Variants in SLMAP observed in about 807,000 individuals in gnomAD.
The protein encoded by SLMAP is sarcolemmal membrane-associated protein.
Under a neutral mutation model 128.8 loss-of-function variants are expected in SLMAP, and 44 were observed. The ratio of observed to expected loss-of-function variants is 0.34; its 90% CI spans 0.27 to 0.44. SLMAP has a LOEUF of 0.44. Ranked by LOEUF, SLMAP falls within the 20% of genes least tolerant of loss-of-function variation. The pLI, the probability that SLMAP is intolerant of heterozygous loss-of-function variation, is 1.00. For synonymous variants in SLMAP, 327 were observed against 348.8 expected (o/e 0.94, Z 0.70); for missense variants, 787 against 985.3 (o/e 0.80, Z 2.69).
intron 2 of SLMAP, among the ~76,000 whole-genome samples, chr3:57,815,888 C>T (rs763668967): frequency 5.3e-5 from 8 of 152,134 alleles, no homozygotes; most frequent in Non-Finnish European, 1.0e-4. Flanking sequence ...AAAGTGATTA[C>T]GTATTTACAC....
intron 17 of SLMAP, chr3:57,901,045 C>G (rs1464266264): frequency 6.6e-6 from 1 of 152,222 alleles, no homozygotes; most frequent in East Asian, 1.9e-4. Context: ...CACCTCATGC[C>G]TTTTGTTTGT....
chr3:57,788,620 TA>T (rs1352279763), intron 2 of SLMAP, among the ~76,000 whole-genome samples: 3 of 152,120 alleles, frequency 2.0e-5, no homozygotes, highest in African/African-American at 7.2e-5. Context: ...AAGGCAGACT[TA>T]AAAGACCATC....
At chr3:57,764,132 C>T (rs1163474396) in intron 2 of SLMAP, among the ~76,000 whole-genome samples, 1 of 152,112 alleles carries the variant, frequency 6.6e-6, no homozygotes, top group Non-Finnish European at 1.5e-5. Context: ...GCTTACCAAG[C>T]TTAGGATGTG....
intron 2 of SLMAP, among the ~76,000 whole-genome samples, chr3:57,761,438 G>A (rs1196234206): frequency 6.6e-6 from 1 of 151,758 alleles, no homozygotes; most frequent in Non-Finnish European, 1.5e-5. Flanking sequence ...GAGATTACAG[G>A]CATTCATCAC....
chr3:57,831,239 C>T (rs2093320584), intron 2 of SLMAP, 144 bp from the exon 3 acceptor site: 1 of 485,664 alleles, frequency 2.1e-6, no homozygotes, highest in Non-Finnish European at 3.5e-6. Context: ...AAAGGAGAAC[C>T]TTAGCTGAAA....
At chr3:57,790,955 A>G (rs1187555810) in intron 2 of SLMAP, among the ~76,000 whole-genome samples, 2 of 152,238 alleles carry the variant, frequency 1.3e-5, no homozygotes, top group Admixed American at 6.5e-5. Context: ...TGTATTAGAT[A>G]CATTTTCTGG....
intron 2 of SLMAP, among the ~76,000 whole-genome samples, chr3:57,811,835 A>T (rs1010879515): frequency 3.3e-5 from 5 of 152,194 alleles, no homozygotes; most frequent in African/African-American, 1.2e-4. Context: ...AGTGATGTTC[A>T]GCATCTTTTC....
intron 22 of SLMAP, among the ~76,000 whole-genome samples, chr3:57,920,087 T>C (rs1438731551): frequency 2.0e-5 from 3 of 152,226 alleles, no homozygotes; most frequent in Non-Finnish European, 4.4e-5. Context: ...TCTTTACTTA[T>C]TCTTTATTAG....
chr3:57,767,664 G>A (rs1247164471), intron 2 of SLMAP, among the ~76,000 whole-genome samples: 2 of 152,174 alleles, frequency 1.3e-5, no homozygotes, highest in African/African-American at 4.8e-5. Context: ...ACTCTTAGAA[G>A]GTAAGTAAAA....
At chr3:57,815,236 C>A (rs779152081) in intron 2 of SLMAP, among the ~76,000 whole-genome samples, 7 of 152,126 alleles carry the variant, frequency 4.6e-5, no homozygotes, top group African/African-American at 1.7e-4. Flanking sequence ...CAGGAAGTGG[C>A]GCTCACGTGG....
At chr3:57,789,878 C>G (rs1337426662) in intron 2 of SLMAP, among the ~76,000 whole-genome samples, 1 of 152,070 alleles carries the variant, frequency 6.6e-6, no homozygotes, top group African/African-American at 2.4e-5. Flanking sequence ...ACTCTGTCGC[C>G]CAGGCTGGAG....
intron 15 of SLMAP, among the ~76,000 whole-genome samples, chr3:57,893,208 T>C (rs965538664): frequency 1.3e-5 from 2 of 151,898 alleles, no homozygotes; most frequent in African/African-American, 4.8e-5. Context: ...ACTGGGAATA[T>C]AGCAGTTAAT....
chr3:57,787,893 A>T (rs1273530668), intron 2 of SLMAP, among the ~76,000 whole-genome samples: 3 of 152,234 alleles, frequency 2.0e-5, no homozygotes, highest in Non-Finnish European at 4.4e-5. Flanking sequence ...ATGTCTCTGG[A>T]TAATACCAAT....
intron 2 of SLMAP, among the ~76,000 whole-genome samples, chr3:57,815,383 T>G (rs2153520560): frequency 6.6e-6 from 1 of 152,278 alleles, no homozygotes; most frequent in South Asian, 2.1e-4. Context: ...TTGTTATAAT[T>G]GGTTTTCTGT....
rs138330264 is a variant in SLMAP at position 57,905,261 on chromosome 3, A to G, written c.1502-2623A>G. Reference sequence around the variant, plus strand: ...CCAAATCTATTCGAGTTCATACCCTACACCAGAGGATTAATCCTTTTTTTT... The same window carrying G: ...CCAAATCTATTCGAGTTCATACCCTGCACCAGAGGATTAATCCTTTTTTTT... On this transcript the variant is annotated intron_variant, in intron 17 of 24. Coordinates refer to ENST00000671191, the MANE Select transcript of SLMAP (RefSeq NM_001377540.1). Among the ~76,000 whole-genome samples the G allele has an allele frequency of 4.1e-3, 626 of 152,086 alleles. 5 individuals are homozygous for G. Among genetic ancestry groups the G allele is most frequent in the African/African-American group, 0.015 (607 of 41,506 alleles).
chr3:57,779,637 A>C (rs1404906212), intron 2 of SLMAP, among the ~76,000 whole-genome samples: 1 of 152,172 alleles, frequency 6.6e-6, no homozygotes, highest in Non-Finnish European at 1.5e-5. Context: ...AGTTAATGTA[A>C]AAATAGCTAA....
intron 14 of SLMAP, among the ~76,000 whole-genome samples, chr3:57,884,982 AAGAC>A (rs1356705085): frequency 6.6e-6 from 1 of 152,214 alleles, no homozygotes; most frequent in Non-Finnish European, 1.5e-5. Flanking sequence ...TTTCTTGACA[AAGAC>A]AGAGATCAAA....
intron 13 of SLMAP, among the ~76,000 whole-genome samples, chr3:57,866,378 GTTTTTTGGTTC>G (rs1369118145): frequency 1.3e-5 from 2 of 152,144 alleles, no homozygotes; most frequent in Admixed American, 6.6e-5. Flanking sequence ...TAGGAGGTGG[GTTTTTTGGTTC>G]TTTTTTGGTT....
chr3:57,905,657 A>G (rs114652607), intron 17 of SLMAP, among the ~76,000 whole-genome samples: 2,552 of 152,264 alleles, frequency 0.017, 63 homozygotes, highest in African/African-American at 0.059. Flanking sequence ...GGCTTCATTT[A>G]TCTGCAACGT....
Sources: allele counts gnomAD v4.1 joint callset (sites outside exome capture counted in the v4.1 genomes callset), GRCh38; gene constraint gnomAD v4.1.1; transcripts MANE v1.5; gene names NCBI Gene and HGNC (gene_info 2026-07-23, HGNC 2026-07-21).